ABCA10: variants seen among roughly 807,000 people sequenced by gnomAD.
ABCA10 encodes the protein ATP-binding cassette sub-family A member 10.
In ABCA10, 169 loss-of-function variants were observed where a neutral mutation model predicts 187.5. The observed-to-expected ratio is 0.90, with a 90% confidence interval of 0.80 to 1.02. The LOEUF (loss-of-function observed/expected upper bound fraction) is 1.02, where lower values mean the gene tolerates loss of function less well. Among genes scored for constraint, ABCA10 ranks in the 50% least tolerant of loss-of-function variants. The pLI, the probability that ABCA10 is intolerant of heterozygous loss-of-function variation, is 0.00. For synonymous variants in ABCA10, 574 were observed against 601.8 expected, an observed-to-expected ratio of 0.95 and a Z score of 0.68; for missense variants, 1,727 against 1,812.4, an observed-to-expected ratio of 0.95 and a Z score of 0.86.
At chr17:69,217,665 G>A (rs565052110) in intron 6 of ABCA10, among the ~76,000 whole-genome samples, 13 of 152,322 alleles carry the variant, frequency 8.5e-5, no homozygotes, top group African/African-American at 3.1e-4. Context: ...GAGTTAAGTA[G>A]TAAATTTGTG....
intron 18 of ABCA10, among the ~76,000 whole-genome samples, chr17:69,189,632 T>C (rs1241596586): frequency 2.0e-5 from 3 of 152,238 alleles, no homozygotes; most frequent in Non-Finnish European, 2.9e-5. Flanking sequence ...GTAGGTTTTC[T>C]TCTCAGGTTT....
chr17:69,216,878 C>T (rs1370850555), intron 6 of ABCA10, among the ~76,000 whole-genome samples: 1 of 152,020 alleles, frequency 6.6e-6, no homozygotes, highest in Non-Finnish European at 1.5e-5. Flanking sequence ...TGGCTATGGA[C>T]ATTAGACAAT....
intron 27 of ABCA10, among the ~76,000 whole-genome samples, chr17:69,163,706 A>C (rs1003645715): frequency 3.9e-5 from 6 of 152,114 alleles, no homozygotes; most frequent in South Asian, 4.1e-4. Flanking sequence ...CCACTATAAA[A>C]TTTCATTTAA....
chr17:69,171,814 T>C (rs925166768), intron 25 of ABCA10, among the ~76,000 whole-genome samples: 17 of 151,480 alleles, frequency 1.1e-4, no homozygotes, highest in African/African-American at 3.9e-4. Flanking sequence ...AACCTAGAAA[T>C]GCATAAGCAG....
chr17:69,221,694 C>T (rs1297837133), intron 5 of ABCA10, 98 bp downstream of exon 5: 1 of 1,071,316 alleles, frequency 9.3e-7, no homozygotes, highest in South Asian at 1.8e-5. Context: ...CAAAGTATCA[C>T]CTCCTAAGAG....
rs567386566 is a variant in ABCA10, at chr17:69,210,059, T to C, written c.1006+4645A>G. ...AAATTTTATAGTCATTTAAAAGCCATCTGTAGAGCTTATGCTATTACTTTA... is the reference window on the plus strand; with the variant it reads ...AAATTTTATAGTCATTTAAAAGCCACCTGTAGAGCTTATGCTATTACTTTA... On this transcript the variant is annotated intron_variant, in intron 9 of 38. Transcript: ENST00000690296. Among the ~76,000 whole-genome samples, 6 of 148,816 alleles carry C rather than the reference T, an allele frequency of 4.0e-5. No individual in the cohort carries two copies. The South Asian group carries it at 1.3e-3, about 32-fold the overall frequency.
At chr17:69,210,963 A>C (rs1469928668) in intron 9 of ABCA10, among the ~76,000 whole-genome samples, 1 of 151,146 alleles carries the variant, frequency 6.6e-6, no homozygotes, top group African/African-American at 2.4e-5. Flanking sequence ...CCATAATTTA[A>C]AAAATCAAAA....
intron 19 of ABCA10, among the ~76,000 whole-genome samples, chr17:69,186,185 G>A (rs1413099226): frequency 1.3e-5 from 2 of 151,784 alleles, no homozygotes; most frequent in African/African-American, 2.4e-5. Context: ...AGCAATCTTT[G>A]TTTCTCTAAT....
chr17:69,201,583 A>G lies in ABCA10; in HGVS notation c.1092T>C (p.Phe364=). 1 of 1,612,958 alleles carries G rather than the reference A, an allele frequency of 6.2e-7. No homozygotes were observed. ...AATGCTCAGGATTTATTTCATTCTC[A>G]AAGATTTCATGATGAGTATTTTGAT... ...SKHQNTHHEI[F]ENEINPEHSS... The change falls in exon 10 of 39, where the codon TTT becomes TTC. Residue 364 remains phenylalanine (F), a synonymous_variant. Coordinates refer to ENST00000690296, the MANE Select transcript of ABCA10 (RefSeq NM_001377321.1).
rs1191491678 is a variant in ABCA10, at chr17:69,148,925, C to A, written c.4534G>T (p.Val1512Leu). Residue 1512 changes from valine (V) to leucine (L), a missense_variant and splice_region_variant, in exon 39 of 39, where the codon GTA (valine) becomes TTA (leucine). By Grantham distance (32) the Val-to-Leu change is conservative (BLOSUM62 1). Transcript: ENST00000690296. Reference sequence around the variant, plus strand: ...TGCTCTTTACAGAGTTCTAAGAATACCTAAGTAAGAGAAAATAAAAAAGAT... The same window carrying A: ...TGCTCTTTACAGAGTTCTAAGAATAACTAAGTAAGAGAAAATAAAAAAGAT... ...YSLSQATLEQ[V>L]FLELCKEQEL... 1.2e-6 allele frequency: 2 copies of A among 1,613,030 alleles called. No homozygotes were observed. The highest frequency in any genetic ancestry group is 3.3e-5 in the Admixed American group (2 of 59,936).
At chr17:69,154,988 T>C (rs1191841632) in intron 30 of ABCA10, 31 bp downstream of exon 30, 1 of 1,464,274 alleles carries the variant, frequency 6.8e-7, no homozygotes, top group African/African-American at 1.4e-5. Context: ...AGGAACATTA[T>C]AATAATAATA....
In ABCA10 at chr17:69,214,916, T is replaced by A. The variant is rs750964260; in HGVS notation, c.859-65A>T. On this transcript the variant is annotated intron_variant, in intron 8 of 38. Coordinates refer to ENST00000690296, the MANE Select transcript of ABCA10 (RefSeq NM_001377321.1). ...ATAAAACTAAATAAAACAATTTTTT[T>A]TAAAAAATAGTGGTACCTAGAGATA... The A allele has an allele frequency of 6.7e-4, 825 of 1,233,160 alleles. 3 individuals carry two copies. The highest frequency in any genetic ancestry group is 8.0e-4 in the Non-Finnish European group (734 of 911,968). 76.4% of individuals were successfully genotyped at this position (1,233,160 alleles called of 1,614,324 possible).
intron 1 of ABCA10, chr17:69,244,477 G>T (rs942680703): frequency 6.6e-6 from 1 of 151,618 alleles, no homozygotes; most frequent in African/African-American, 2.4e-5. Context: ...TTAAAGAGCA[G>T]CATTGAGAAT....
intron 17 of ABCA10, among the ~76,000 whole-genome samples, chr17:69,190,767 A>T (rs1190344286): frequency 1.3e-5 from 2 of 151,808 alleles, no homozygotes; most frequent in African/African-American, 4.8e-5. Context: ...TTATTAAGTT[A>T]TACCTTATCC....
At position 69,221,823 on chromosome 17, in the gene ABCA10, A is replaced by T; in HGVS notation, c.272T>A (p.Phe91Tyr). The T allele has an allele frequency of 6.2e-7, 1 of 1,613,330 alleles. No homozygotes were observed. The highest frequency in any genetic ancestry group is 8.5e-7 in the Non-Finnish European group (1 of 1,179,644). Residue 91 changes from phenylalanine to tyrosine, a missense_variant, in exon 5 of 39, where the codon TTT (phenylalanine) becomes TAT (tyrosine). Transcript: ENST00000690296. The part of the protein sequence containing the change: ...AKYWLKGFVA[F>Y]QAAINAAIIE... ...AATTGCAGCATTAATTGCAGCTTGA[A>T]AAGCTACAAACCCTTTTAGCCAGTA...
At chr17:69,149,958 T>C in intron 37 of ABCA10, 26 bp downstream of exon 37, 1 of 1,514,720 alleles carries the variant, frequency 6.6e-7, no homozygotes, top group Non-Finnish European at 9.1e-7. Context: ...ATACATAAAG[T>C]CTTATTTATA....
chr17:69,234,255 C>G (rs2074849781), intron 1 of ABCA10: 1 of 152,312 alleles, frequency 6.6e-6, no homozygotes, highest in African/African-American at 2.4e-5. Context: ...ATGGGCGAGT[C>G]TCACTCTAGG....
At chr17:69,152,835 C>A (rs1285054672) in intron 34 of ABCA10, among the ~76,000 whole-genome samples, 2 of 151,350 alleles carry the variant, frequency 1.3e-5, no homozygotes, top group Non-Finnish European at 2.9e-5. Context: ...AATAAATAGG[C>A]TACAAGAGAA....
intron 27 of ABCA10, among the ~76,000 whole-genome samples, chr17:69,163,745 A>C (rs1302096461): frequency 1.3e-5 from 2 of 152,166 alleles, no homozygotes; most frequent in Non-Finnish European, 2.9e-5. Flanking sequence ...CATTATTCAA[A>C]TTAGTTGTTA....
Sources: gnomAD v4.1 joint callset for allele counts (sites outside exome capture counted in the v4.1 genomes callset) on GRCh38, gnomAD v4.1.1 for gene constraint, MANE v1.5 for transcripts, NCBI Gene and HGNC (gene_info 2026-07-23, HGNC 2026-07-21) for gene names.